The following ANK2 variants were observed in gnomAD, a reference collection of about 807,000 sequenced individuals.
ANK2 encodes ankyrin 2.
Under a neutral mutation model 360.5 loss-of-function variants are expected in ANK2, and 83 were observed. That is an observed-to-expected ratio of 0.23 (90% CI 0.19 to 0.28). The LOEUF is 0.28. Ranked by LOEUF, ANK2 falls within the 10% of genes least tolerant of loss-of-function variation. The pLI is 1.00. For missense variants in ANK2, 4,201 were observed against 4,795.7 expected, an observed-to-expected ratio of 0.88 and a Z score of 3.66; for synonymous variants, 1,740 against 1,759.5, an observed-to-expected ratio of 0.99 and a Z score of 0.28.
At chr4:112,935,645 C>A (rs1289364373) in intron 2 of ANK2, among the ~76,000 whole-genome samples, 2 of 77,892 alleles carry the variant, frequency 2.6e-5, no homozygotes, top group African/African-American at 2.4e-4. Context: ...AGTTTGAGAC[C>A]AGCCTGGGCA....
chr4:113,271,085 A>G (rs1586738068), intron 14 of ANK2, among the ~76,000 whole-genome samples: 1 of 152,320 alleles, frequency 6.6e-6, no homozygotes, highest in East Asian at 1.9e-4. Flanking sequence ...AAGATAAGAA[A>G]AAGATTTCTC....
chr4:113,079,077 C>T (rs2081288087), intron 1 of ANK2, among the ~76,000 whole-genome samples: 1 of 152,162 alleles, frequency 6.6e-6, no homozygotes, highest in East Asian at 1.9e-4. Context: ...GGAAACTGCA[C>T]AAGACCTTAA....
At chr4:113,331,658 A>G (rs538129039) in intron 27 of ANK2, among the ~76,000 whole-genome samples, 3 of 152,220 alleles carry the variant, frequency 2.0e-5, no homozygotes, top group Non-Finnish European at 4.4e-5. Context: ...TACAGGGCAG[A>G]GTTTTCATTA....
chr4:112,962,418 C>A lies in ANK2; in HGVS notation c.21+57904C>A, dbSNP rs796479933. Among the ~76,000 whole-genome samples the A allele has an allele frequency of 5.3e-5, 8 of 152,190 alleles. No individual in the cohort carries two copies. The South Asian group carries it at 8.3e-4, about 16-fold the overall frequency. On this transcript the variant is annotated intron_variant, in intron 2 of 30. Coordinates refer to the ANK2 transcript ENST00000503271. ...TGAAGTATTCCATGGTGTATATGTA[C>A]CACATTTTCTTTATCCAATCCACTG...
rs776586126 is a variant in ANK2, at chr4:113,356,742, A to G, written c.8124A>G (p.Val2708=). Residue 2708 remains valine (V), a synonymous_variant, in exon 38 of 46, where the codon GTA becomes GTG. Coordinates refer to ENST00000357077, the MANE Select transcript of ANK2 (RefSeq NM_001148.6). ...SMDSNSSPEE[V]QFQPVVSKQY... is the part of the protein sequence containing the mutation. ...ACTCCAATTCCAGTCCAGAAGAAGT[A>G]CAATTCCAGCCTGTCGTTTCCAAAC... The G allele has an allele frequency of 1.5e-4, 249 of 1,614,032 alleles. No individual in the cohort carries two copies. The highest frequency in any genetic ancestry group is 2.0e-4 in the Non-Finnish European group (234 of 1,179,994).
At chr4:113,328,270 AC>A (rs1239479984) in intron 26 of ANK2, among the ~76,000 whole-genome samples, 6 of 152,268 alleles carry the variant, frequency 3.9e-5, no homozygotes, top group African/African-American at 1.4e-4. Flanking sequence ...GAAAAAAAAA[AC>A]AAAGGAAATA....
chr4:112,765,970 C>T, the ANK2 span, among the ~76,000 whole-genome samples: 1 of 152,140 alleles, frequency 6.6e-6, no homozygotes, highest in African/African-American at 2.4e-5. Flanking sequence ...ACTATGTAGT[C>T]GATCCTAGTT....
chr4:113,011,620 T>C (rs552052993), intron 2 of ANK2, among the ~76,000 whole-genome samples: 75 of 152,218 alleles, frequency 4.9e-4, no homozygotes, highest in African/African-American at 1.8e-3. Flanking sequence ...TTTGTCAAGA[T>C]TTCTCTGGGT....
chr4:112,858,923 C>A (rs1449559861), intron 1 of ANK2, among the ~76,000 whole-genome samples: 1 of 152,122 alleles, frequency 6.6e-6, no homozygotes, highest in Admixed American at 6.5e-5. Flanking sequence ...CTTTGTGAAA[C>A]AAGTCTCAAT....
chr4:112,762,060 G>T, the ANK2 span, among the ~76,000 whole-genome samples: 1 of 152,190 alleles, frequency 6.6e-6, no homozygotes, highest in Admixed American at 6.5e-5. Context: ...TGCTGGGCAT[G>T]GGGAACAGAC....
chr4:112,863,514 C>CTT lies in ANK2; in HGVS notation c.-39-40916_-39-40915dup, dbSNP rs952398354. Among the ~76,000 whole-genome samples the CTT allele has an allele frequency of 2.4e-3, 253 of 107,038 alleles. 7 individuals are homozygous for CTT. Among genetic ancestry groups the CTT allele is most frequent in the Middle Eastern group, 6.3e-3 (1 of 158 alleles). The allele number at this position is 107,038 out of a possible 152,430, so 70.2% of individuals were successfully genotyped here. A position where few individuals can be genotyped will look rare whatever the true frequency, so the allele number is the denominator to read the frequency against. On this transcript the variant is annotated intron_variant, in intron 1 of 30. Transcript: ENST00000503271. ...TAGAAAACATCTAACTTTAGAGTAT[C>CTT]TTTTTTTTTTTTTTTTTTTTTTTTT...
chr4:112,875,170 C>T (rs967299584), intron 1 of ANK2, among the ~76,000 whole-genome samples: 2 of 151,738 alleles, frequency 1.3e-5, no homozygotes, highest in Non-Finnish European at 2.9e-5. Flanking sequence ...TACAGGTGGG[C>T]GCCACCATGC....
chr4:113,237,288 A>G, intron 6 of ANK2, 116 bp downstream of exon 6: 1 of 1,269,524 alleles, frequency 7.9e-7, no homozygotes, highest in African/African-American at 1.5e-5. Flanking sequence ...GGTCATAAAA[A>G]GAGATAAATG....
At chr4:113,148,534 T>A (rs536630730) in intron 1 of ANK2, among the ~76,000 whole-genome samples, 149 of 152,330 alleles carry the variant, frequency 9.8e-4, no homozygotes, top group Middle Eastern at 6.8e-3. Context: ...GCTTTTTCAT[T>A]ATTCTATAAA....
At chr4:113,156,314 T>A (rs903703475) in intron 1 of ANK2, among the ~76,000 whole-genome samples, 29 of 151,348 alleles carry the variant, frequency 1.9e-4, no homozygotes, top group African/African-American at 6.5e-4. Flanking sequence ...AATATTATTA[T>A]TTCAACATCA....
intron 4 of ANK2, among the ~76,000 whole-genome samples, chr4:113,225,650 A>C (rs1030283267): frequency 6.6e-6 from 1 of 152,206 alleles, no homozygotes; most frequent in Admixed American, 6.5e-5. Flanking sequence ...ATTACCTTGT[A>C]TATTAACAGT....
chr4:112,957,803 C>T (rs1275875293), intron 2 of ANK2, among the ~76,000 whole-genome samples: 11 of 145,658 alleles, frequency 7.6e-5, no homozygotes, highest in Admixed American at 2.7e-4. Context: ...TCAGACGGGG[C>T]GGCTGCCGGG....
chr4:113,269,337 G>T (rs1217170326), intron 14 of ANK2, among the ~76,000 whole-genome samples: 1 of 152,208 alleles, frequency 6.6e-6, no homozygotes, highest in African/African-American at 2.4e-5. Context: ...AAAAACTCCT[G>T]TAGCTAGCTC....
chr4:112,850,262 A>G (rs2064381344), intron 1 of ANK2, among the ~76,000 whole-genome samples: 2 of 121,552 alleles, frequency 1.6e-5, no homozygotes, highest in African/African-American at 3.8e-5. Context: ...CTATCTATCT[A>G]TCTATCTATC....
Sources: gnomAD v4.1 joint callset for allele counts (sites outside exome capture counted in the v4.1 genomes callset) on GRCh38, gnomAD v4.1.1 for gene constraint, MANE v1.5 for transcripts, NCBI Gene and HGNC (gene_info 2026-07-23, HGNC 2026-07-21) for gene names.